NRP1: variants seen among roughly 807,000 people sequenced by gnomAD.
NRP1 encodes neuropilin-1.
NRP1 carries 35 observed loss-of-function variants against 106.7 expected under a neutral mutation model. The ratio of observed to expected loss-of-function variants is 0.33; its 90% CI spans 0.25 to 0.43. The LOEUF (loss-of-function observed/expected upper bound fraction) is 0.43, where lower values mean the gene tolerates loss of function less well. Ranked by LOEUF, NRP1 falls within the 20% of genes least tolerant of loss-of-function variation. The pLI is 1.00. For synonymous variants in NRP1, 437 were observed against 417.9 expected (o/e 1.05, Z -0.56); for missense variants, 1,024 against 1,170.4 (o/e 0.87, Z 1.83).
In NRP1 at chr10:33,263,749, A is replaced by G; in HGVS notation, c.555T>C (p.Ile185=). The G allele has an allele frequency of 1.9e-6, 3 of 1,614,042 alleles. No homozygotes were observed. The highest frequency in any genetic ancestry group is 1.1e-5 in the South Asian group (1 of 91,072). ...GGTCAAAGCTTTCAAATTCCAGGAT[A>G]ATCTCTGACATCTTTGGCACAAAGA... ...YIVFVPKMSE[I]ILEFESFDLE... Residue 185 remains isoleucine (I), a synonymous_variant, in exon 4 of 17, where the codon ATT becomes ATC. Transcript: ENST00000374867.
chr10:33,249,098 T>G (rs1348418456), intron 6 of NRP1, among the ~76,000 whole-genome samples: 1 of 147,890 alleles, frequency 6.8e-6, no homozygotes, highest in Non-Finnish European at 1.5e-5. Flanking sequence ...TTTTTTTTTT[T>G]TTTTTTTTTT....
intron 2 of NRP1, among the ~76,000 whole-genome samples, chr10:33,307,570 TA>T (rs1482814565): frequency 6.6e-6 from 1 of 152,230 alleles, no homozygotes; most frequent in African/African-American, 2.4e-5. Flanking sequence ...AATTATCTTC[TA>T]AAGCAAATTG....
intron 6 of NRP1, among the ~76,000 whole-genome samples, chr10:33,231,929 C>A (rs1287822991): frequency 6.6e-6 from 1 of 152,106 alleles, no homozygotes; most frequent in Non-Finnish European, 1.5e-5. Flanking sequence ...ACTAAACAAC[C>A]TATTATGTTT....
chr10:33,256,886 T>C (rs1014923064), intron 4 of NRP1, among the ~76,000 whole-genome samples: 2 of 152,172 alleles, frequency 1.3e-5, no homozygotes, highest in Non-Finnish European at 2.9e-5. Context: ...CTCGCCTCTC[T>C]TGCCCTAGGG....
chr10:33,233,386 A>G (rs1840311255), intron 6 of NRP1, among the ~76,000 whole-genome samples: 1 of 152,194 alleles, frequency 6.6e-6, no homozygotes, highest in South Asian at 2.1e-4. Flanking sequence ...CACATTCCCC[A>G]GACAAAGAGA....
At chr10:33,321,497 C>G (rs529596809) in intron 2 of NRP1, among the ~76,000 whole-genome samples, 17 of 152,288 alleles carry the variant, frequency 1.1e-4, no homozygotes, top group African/African-American at 3.8e-4. Flanking sequence ...AGCCTTAGCT[C>G]CTCCAGGTTT....
chr10:33,230,665 A>G (rs980053933), intron 6 of NRP1, among the ~76,000 whole-genome samples: 1 of 150,604 alleles, frequency 6.6e-6, no homozygotes, highest in Non-Finnish European at 1.5e-5. Context: ...CTTTCCTACA[A>G]CTTATCCGCC....
intron 13 of NRP1, among the ~76,000 whole-genome samples, chr10:33,188,150 G>A (rs989104967): frequency 1.3e-5 from 2 of 152,010 alleles, no homozygotes; most frequent in African/African-American, 4.8e-5. Flanking sequence ...AATCCACCAC[G>A]ATGGGAAAAA....
chr10:33,270,643 C>T, intron 3 of NRP1, 32 bp downstream of exon 3: 1 of 1,554,344 alleles, frequency 6.4e-7, no homozygotes, highest in Non-Finnish European at 8.7e-7. Flanking sequence ...AACTCTTAGT[C>T]ATTCTTGTTC....
At chr10:33,320,335 AC>A (rs1378185003) in intron 2 of NRP1, among the ~76,000 whole-genome samples, 1 of 150,432 alleles carries the variant, frequency 6.6e-6, no homozygotes, top group Non-Finnish European at 1.5e-5. Context: ...AAAAGCCTGC[AC>A]CGGGACCCAG....
intron 11 of NRP1, chr10:33,201,505 C>T (rs527794268): frequency 1.1e-4 from 16 of 152,256 alleles, no homozygotes; most frequent in Admixed American, 9.8e-4. Flanking sequence ...TTACAGGCAA[C>T]CCCGGGAAGC....
At chr10:33,329,651 C>T (rs1457490688) in intron 2 of NRP1, among the ~76,000 whole-genome samples, 4 of 152,172 alleles carry the variant, frequency 2.6e-5, no homozygotes, top group Non-Finnish European at 5.9e-5. Context: ...CCCTGAGAAA[C>T]ACTTTAGAAT....
At chr10:33,186,562 C>T in intron 13 of NRP1, 74 bp from the exon 14 acceptor site, 1 of 1,514,598 alleles carries the variant, frequency 6.6e-7, no homozygotes, top group Non-Finnish European at 8.9e-7. Flanking sequence ...TTTCAAGTCT[C>T]ACTAATCAAA....
intron 2 of NRP1, among the ~76,000 whole-genome samples, chr10:33,318,154 G>T (rs1234874302): frequency 1.3e-5 from 2 of 152,120 alleles, no homozygotes; most frequent in Non-Finnish European, 2.9e-5. Flanking sequence ...TTTTGTTTCG[G>T]AATTAAAGCT....
chr10:33,324,796 C>T (rs951353588), intron 2 of NRP1, among the ~76,000 whole-genome samples: 1 of 152,128 alleles, frequency 6.6e-6, no homozygotes, highest in Non-Finnish European at 1.5e-5. Context: ...CACCACCTTG[C>T]CTGGCTAATT....
At chr10:33,212,133 G>A (rs1838352845) in intron 9 of NRP1, 1 of 152,238 alleles carries the variant, frequency 6.6e-6, no homozygotes, top group Admixed American at 6.5e-5. Context: ...GGTTTTGGTG[G>A]ATGTTGGAAT....
intron 5 of NRP1, among the ~76,000 whole-genome samples, chr10:33,254,994 C>T (rs1471014455): frequency 6.6e-6 from 1 of 152,108 alleles, no homozygotes; most frequent in Non-Finnish European, 1.5e-5. Context: ...GCCTAACATC[C>T]TCAGTTTGAT....
chr10:33,294,118 C>G (rs1045099568), intron 2 of NRP1, among the ~76,000 whole-genome samples: 1 of 152,132 alleles, frequency 6.6e-6, no homozygotes, highest in Non-Finnish European at 1.5e-5. Flanking sequence ...ACATGCTGAT[C>G]GCTTAGTAAT....
At position 33,303,219 on chromosome 10, in the gene NRP1, AAAAC is replaced by A. The variant is rs972020232; in HGVS notation, c.248+27485_248+27488del. On this transcript the variant is annotated intron_variant, in intron 2 of 16. Coordinates refer to ENST00000374867, the MANE Select transcript of NRP1 (RefSeq NM_003873.7). ...CTGGGTGAGTAGATCAAAGTGTACC[AAAAC>A]AAACAAACAAACATTTTCGAAAGAC... 9.2e-5 allele frequency among the ~76,000 whole-genome samples: 14 copies of A among 152,226 alleles called. No individual in the cohort carries two copies. The South Asian group carries it at 1.2e-3, about 14-fold the overall frequency.
Sources: allele counts gnomAD v4.1 joint callset (sites outside exome capture counted in the v4.1 genomes callset), GRCh38; gene constraint gnomAD v4.1.1; transcripts MANE v1.5; gene names NCBI Gene and HGNC (gene_info 2026-07-23, HGNC 2026-07-21).